Variants in COL19A1 observed in about 807,000 individuals in gnomAD.
The protein encoded by COL19A1 is collagen alpha-1(XIX) chain.
In COL19A1, 159 loss-of-function variants were observed where a neutral mutation model predicts 190.2. The ratio of observed to expected loss-of-function variants is 0.84; its 90% CI spans 0.73 to 0.95. The LOEUF (loss-of-function observed/expected upper bound fraction) is 0.95. COL19A1 is among the 40% of genes least tolerant of loss of function. The probability of loss-of-function intolerance (pLI) is 0.00; values close to 1 mark genes in which losing one functional copy is unlikely to be tolerated. For missense variants in COL19A1, 1,418 were observed against 1,431.9 expected (o/e 0.99, Z 0.16); for synonymous variants, 509 against 458.9 (o/e 1.11, Z -1.39).
chr6:69,909,176 C>T (rs1770744749), intron 4 of COL19A1, among the ~76,000 whole-genome samples: 1 of 152,080 alleles, frequency 6.6e-6, no homozygotes, highest in African/African-American at 2.4e-5. Flanking sequence ...TTTCTAGCCT[C>T]AAATGTACAT....
intron 1 of COL19A1, among the ~76,000 whole-genome samples, chr6:69,878,712 A>T (rs1768302140): frequency 6.6e-6 from 1 of 152,178 alleles, no homozygotes; most frequent in Non-Finnish European, 1.5e-5. Flanking sequence ...CTATATACCC[A>T]AAAGAATTGA....
intron 4 of COL19A1, among the ~76,000 whole-genome samples, chr6:69,911,086 C>T (rs1335788668): frequency 1.3e-5 from 2 of 152,146 alleles, no homozygotes; most frequent in African/African-American, 4.8e-5. Flanking sequence ...CTCTGTGTAT[C>T]ACAAAATAGC....
Position 69,932,856 on chromosome 6 carries a change from A to G in COL19A1, c.740A>G (p.Asp247Gly), listed in dbSNP as rs1772869454. ...IAQETCCEIS[D>G]TKCPEQDGFG... ...CAAGAAACATGTTGTGAAATATCAG[A>G]TACTAAGGTAAGTTAATTTTCTTTG... The change falls in exon 7 of 51, where the codon GAT (aspartate) becomes GGT (glycine). Residue 247 changes from aspartate (D) to glycine (G), a missense_variant. By Grantham distance (94) the Asp-to-Gly change is moderately conservative. Transcript: ENST00000620364. The G allele has an allele frequency of 6.3e-7, 1 of 1,597,528 alleles. No individual in the cohort carries two copies. Among genetic ancestry groups the G allele is most frequent in the Non-Finnish European group, 8.6e-7 (1 of 1,167,690 alleles).
chr6:69,958,892 T>C (rs1253369795), intron 9 of COL19A1, among the ~76,000 whole-genome samples: 1 of 152,198 alleles, frequency 6.6e-6, no homozygotes, highest in Non-Finnish European at 1.5e-5. Flanking sequence ...ATTTTGAATT[T>C]TGCTTAAATA....
intron 11 of COL19A1, among the ~76,000 whole-genome samples, chr6:69,965,017 C>A (rs1431020766): frequency 6.6e-6 from 1 of 152,050 alleles, no homozygotes; most frequent in African/African-American, 2.4e-5. Context: ...CACTTTATTT[C>A]TAGATTAAAC....
chr6:69,908,647 A>G (rs1770709168), intron 4 of COL19A1, among the ~76,000 whole-genome samples: 1 of 152,186 alleles, frequency 6.6e-6, no homozygotes, highest in African/African-American at 2.4e-5. Context: ...GTAATGTAAT[A>G]TGAAATATTA....
chr6:70,134,654 T>G (rs1319455609), intron 18 of COL19A1, among the ~76,000 whole-genome samples: 3 of 152,192 alleles, frequency 2.0e-5, no homozygotes, highest in Admixed American at 2.0e-4. Context: ...TTTGGTTCCT[T>G]GGCTCTCCAA....
chr6:69,915,250 C>G (rs914218857), intron 4 of COL19A1, among the ~76,000 whole-genome samples: 2 of 152,154 alleles, frequency 1.3e-5, no homozygotes, highest in African/African-American at 4.8e-5. Context: ...TGACAACAAC[C>G]CACCAGGGCC....
rs761859419 is a variant in COL19A1 at position 69,879,809 on chromosome 6, A to G, written c.91+151A>G. 9.6e-4 allele frequency: 675 copies of G among 701,584 alleles called. 1 individual carries two copies. Among genetic ancestry groups the G allele is most frequent in the Non-Finnish European group, 1.5e-3 (621 of 425,168 alleles). The allele number at this position is 701,584 out of a possible 1,614,324, so 43.5% of individuals were successfully genotyped here. A position where few individuals can be genotyped will look rare whatever the true frequency, so the allele number is the denominator to read the frequency against. On this transcript the variant is annotated intron_variant, in intron 2 of 50. Transcript: ENST00000620364. ...ATTGCTTTCTTCCATTGATCTTCCC[A>G]TGATGCACATTAGGAATTCCTAAAA...
At chr6:70,146,605 T>C (rs1786664529) in intron 25 of COL19A1, 54 bp from the exon 26 acceptor site, 2 of 1,357,952 alleles carry the variant, frequency 1.5e-6, no homozygotes, top group East Asian at 2.4e-5. Flanking sequence ...TAACTTCTAA[T>C]GTGTTTATAA....
At chr6:70,089,960 A>C (rs1246680253) in intron 15 of COL19A1, among the ~76,000 whole-genome samples, 1 of 152,128 alleles carries the variant, frequency 6.6e-6, no homozygotes, top group Non-Finnish European at 1.5e-5. Context: ...TAAAATGTTA[A>C]TGTAAGATTA....
chr6:70,086,912 G>A (rs1782624294), intron 15 of COL19A1, among the ~76,000 whole-genome samples: 1 of 152,178 alleles, frequency 6.6e-6, no homozygotes, highest in South Asian at 2.1e-4. Flanking sequence ...AGAAACTGCT[G>A]TAGGCAGAGG....
At chr6:70,039,702 G>T (rs1205858822) in intron 14 of COL19A1, among the ~76,000 whole-genome samples, 2 of 151,430 alleles carry the variant, frequency 1.3e-5, no homozygotes, top group African/African-American at 4.9e-5. Flanking sequence ...TGAGCACACT[G>T]TAATACTGAG....
chr6:69,921,074 TATC>T (rs1391223961), intron 4 of COL19A1, among the ~76,000 whole-genome samples: 11 of 114,568 alleles, frequency 9.6e-5, no homozygotes, highest in East Asian at 2.4e-4. Flanking sequence ...TTCATAGACA[TATC>T]ATATATATTC....
chr6:70,068,641 C>T (rs948897089), intron 15 of COL19A1, among the ~76,000 whole-genome samples, 165 bp downstream of exon 15: 2 of 151,832 alleles, frequency 1.3e-5, no homozygotes, highest in Non-Finnish European at 2.9e-5. Flanking sequence ...AGAGGTTTTG[C>T]AATTCAGAAA....
chr6:70,196,002 ATGATAGT>A (rs1474032889), intron 48 of COL19A1, among the ~76,000 whole-genome samples: 2 of 152,184 alleles, frequency 1.3e-5, no homozygotes, highest in East Asian at 3.8e-4. Flanking sequence ...ATCTTTACCC[ATGATAGT>A]TCAAAGCAAC....
rs774261018 is a variant in COL19A1 at position 70,142,123 on chromosome 6, G to T, written c.1572+47G>T. On this transcript the variant is annotated intron_variant, in intron 22 of 50. Transcript: ENST00000620364. ...TTTCTTGGGAAATAATTTGGGAATT[G>T]TAGCCATTCTGTGTAAAACATGGTG... 1.4e-5 allele frequency: 21 copies of T among 1,551,762 alleles called. No homozygotes were observed. In the Admixed American group the frequency reaches 2.6e-4, roughly 19 times the overall value.
In COL19A1 at chr6:70,024,199, C is replaced by T. The variant is rs544789713; in HGVS notation, c.1080+519C>T. 2.0e-5 allele frequency among the ~76,000 whole-genome samples: 3 copies of T among 152,254 alleles called. No homozygotes were observed. In the East Asian group the frequency reaches 5.8e-4, roughly 29 times the overall value. On this transcript the variant is annotated intron_variant, in intron 12 of 50. Coordinates refer to ENST00000620364, the MANE Select transcript of COL19A1 (RefSeq NM_001858.6). ...AGGACCCCAGTCATCTTCTCCCCTT[C>T]CCCTCAGGATGGTTATCCTCCCAGA... is the stretch of plus-strand genomic sequence containing the variant.
intron 11 of COL19A1, among the ~76,000 whole-genome samples, chr6:69,966,398 T>C (rs1365690207): frequency 2.6e-5 from 4 of 152,200 alleles, no homozygotes; most frequent in East Asian, 1.9e-4. Flanking sequence ...GAAGTAGACA[T>C]AGGAGACTCC....
Sources: allele counts gnomAD v4.1 joint callset (sites outside exome capture counted in the v4.1 genomes callset), GRCh38; gene constraint gnomAD v4.1.1; transcripts MANE v1.5; gene names NCBI Gene and HGNC (gene_info 2026-07-23, HGNC 2026-07-21).